The following ST14 variants were observed in gnomAD, a reference collection of about 807,000 sequenced individuals.
ST14 encodes ST14 transmembrane serine protease matriptase, also known as suppressor of tumorigenicity 14 protein.
Under a neutral mutation model 96.5 loss-of-function variants are expected in ST14, and 40 were observed. The ratio of observed to expected loss-of-function variants is 0.41; its 90% CI spans 0.32 to 0.54. The LOEUF is 0.54. Among genes scored for constraint, ST14 ranks in the 20% least tolerant of loss-of-function variants. The pLI, the probability that ST14 is intolerant of heterozygous loss-of-function variation, is 0.17. For missense variants in ST14, 1,066 were observed against 1,188.9 expected (o/e 0.90, Z 1.52); for synonymous variants, 506 against 492.1 (o/e 1.03, Z -0.37).
At position 130,198,490 on chromosome 11, in the gene ST14, G is replaced by A; in HGVS notation, c.1571-18G>A. The A allele has an allele frequency of 6.2e-7, 1 of 1,613,166 alleles. No individual in the cohort carries two copies. The highest frequency in any genetic ancestry group is 8.5e-7 in the Non-Finnish European group (1 of 1,179,232). On this transcript the variant is annotated intron_variant, in intron 13 of 18. Coordinates refer to ENST00000278742, the MANE Select transcript of ST14 (RefSeq NM_021978.4). ...ACTGACGGTGGCTCCTGGTGGCTGAGTCCTGGTGCCTCTCCAGGTTGTCCG... is the reference window on the plus strand; with the variant it reads ...ACTGACGGTGGCTCCTGGTGGCTGAATCCTGGTGCCTCTCCAGGTTGTCCG...
intron 9 of ST14, among the ~76,000 whole-genome samples, chr11:130,195,709 CG>C (rs1207061607): frequency 6.6e-6 from 1 of 151,694 alleles, no homozygotes; most frequent in Non-Finnish European, 1.5e-5. Context: ...AAAAATTAGC[CG>C]GGTGTGATGG....
chr11:130,195,515 C>G (rs367924289), intron 9 of ST14, among the ~76,000 whole-genome samples: 1 of 152,252 alleles, frequency 6.6e-6, no homozygotes, highest in East Asian at 1.9e-4. Flanking sequence ...CTGTCCGTGC[C>G]GCTCACGCCA....
chr11:130,189,123 A>G (rs1420906842), intron 4 of ST14, among the ~76,000 whole-genome samples, 184 bp downstream of exon 4: 1 of 152,166 alleles, frequency 6.6e-6, no homozygotes, highest in African/African-American at 2.4e-5. Context: ...CCCCCATGGC[A>G]AAGGTGCCTG....
At chr11:130,176,040 G>A (rs1953134447) in intron 1 of ST14, among the ~76,000 whole-genome samples, 1 of 152,172 alleles carries the variant, frequency 6.6e-6, no homozygotes, top group South Asian at 2.1e-4. Context: ...CTCGTGTAGG[G>A]ATGCAATGCG....
Position 130,197,865 on chromosome 11 carries a change from G to A in ST14, c.1379G>A (p.Arg460His), listed in dbSNP as rs151202492. The change falls in exon 12 of 19, where the codon CGC (arginine) becomes CAC (histidine). Residue 460 changes from arginine (R) to histidine (H), a missense_variant. Coordinates refer to ENST00000278742, the MANE Select transcript of ST14 (RefSeq NM_021978.4). ...SDPCPGQFTC[R>H]TGRCIRKELR... ...GCATGCCCGGGGCAGTTCACGTGCC[G>A]CACGGGGCGGTGTATCCGGAAGGAG... 4.0e-5 allele frequency: 63 copies of A among 1,588,384 alleles called. No individual in the cohort carries two copies. Among genetic ancestry groups the A allele is most frequent in the Admixed American group, 2.1e-4 (12 of 57,940 alleles).
chr11:130,199,148 AAT>A, intron 15 of ST14, 79 bp downstream of exon 15: 7 of 1,452,064 alleles, frequency 4.8e-6, no homozygotes, highest in Non-Finnish European at 6.6e-6. Flanking sequence ...CTGGAGGTGC[AAT>A]CCCGCCAGCA....
Position 130,208,398 on chromosome 11 carries a change from T to C in ST14, c.1995-12T>C, listed in dbSNP as rs759577050. On this transcript the variant is annotated splice_polypyrimidine_tract_variant and intron_variant, in intron 16 of 18. Coordinates refer to ENST00000278742, the MANE Select transcript of ST14 (RefSeq NM_021978.4). ...AGTGACCGCGCAGTCTCATAGCGGCTCTCCCTACCAGGTACTCAGACCCCA... is the reference window on the plus strand; with the variant it reads ...AGTGACCGCGCAGTCTCATAGCGGCCCTCCCTACCAGGTACTCAGACCCCA... 6.2e-7 allele frequency: 1 copy of C among 1,613,906 alleles called. No homozygotes were observed. Among genetic ancestry groups the C allele is most frequent in the Non-Finnish European group, 8.5e-7 (1 of 1,180,008 alleles).
At chr11:130,201,698 G>C (rs1417566569) in intron 16 of ST14, among the ~76,000 whole-genome samples, 1 of 152,262 alleles carries the variant, frequency 6.6e-6, no homozygotes, top group Non-Finnish European at 1.5e-5. Context: ...TCCTGCTTCA[G>C]CCTCCTGAGT....
intron 1 of ST14, among the ~76,000 whole-genome samples, chr11:130,173,044 G>A (rs11221989): frequency 5.1e-4 from 78 of 152,268 alleles, no homozygotes; most frequent in Non-Finnish European, 5.1e-4. Context: ...CGAGTGGTCA[G>A]GACTGAGAGC....
chr11:130,194,046 AG>A, intron 7 of ST14, 102 bp from the exon 8 acceptor site: 1 of 1,463,062 alleles, frequency 6.8e-7, no homozygotes, highest in South Asian at 1.1e-5. Context: ...GACCAGAGTT[AG>A]GGGTGGGGTC....
intron 1 of ST14, among the ~76,000 whole-genome samples, chr11:130,171,272 TTATC>T (rs1953090122): frequency 6.6e-6 from 1 of 152,218 alleles, no homozygotes; most frequent in Non-Finnish European, 1.5e-5. Context: ...CCTGCCCTCT[TTATC>T]TATTATTCTA....
At chr11:130,168,359 A>C (rs1010323810) in intron 1 of ST14, among the ~76,000 whole-genome samples, 1 of 152,144 alleles carries the variant, frequency 6.6e-6, no homozygotes, top group Non-Finnish European at 1.5e-5. Context: ...GGTTTAGAAA[A>C]CATTTTGTTT....
chr11:130,198,095 C>A, intron 12 of ST14, 150 bp downstream of exon 12: 1 of 885,322 alleles, frequency 1.1e-6, no homozygotes, highest in Non-Finnish European at 1.8e-6. Flanking sequence ...TGGCCCCACT[C>A]CCCACCCTGC....
chr11:130,190,141 C>T lies in ST14; in HGVS notation c.627C>T (p.Thr209=). The change falls in exon 6 of 19, where the codon ACC becomes ACT. Residue 209 remains threonine (T), a synonymous_variant. Coordinates refer to ENST00000278742, the MANE Select transcript of ST14 (RefSeq NM_021978.4). The part of the protein sequence containing the change: ...FPTDSKTVQR[T]QDNSCSFGLH... ...CGGACTCCAAAACAGTACAGAGGAC[C>T]CAGGACAGTAAGTATCGTGCCCGCC... 1 of 1,614,182 alleles carries T rather than the reference C, an allele frequency of 6.2e-7. No homozygotes were observed. Among genetic ancestry groups the T allele is most frequent in the South Asian group, 1.1e-5 (1 of 91,074 alleles).
At chr11:130,171,252 A>T (rs1303618959) in intron 1 of ST14, among the ~76,000 whole-genome samples, 1 of 152,236 alleles carries the variant, frequency 6.6e-6, no homozygotes, top group African/African-American at 2.4e-5. Flanking sequence ...ATCACCTTCC[A>T]AAGTTTCCTC....
At chr11:130,167,048 T>C (rs1953047731) in intron 1 of ST14, among the ~76,000 whole-genome samples, 1 of 152,038 alleles carries the variant, frequency 6.6e-6, no homozygotes, top group Non-Finnish European at 1.5e-5. Flanking sequence ...CCATCTCCAC[T>C]AAAAATCCAA....
rs1311529350 is a variant in ST14, at chr11:130,198,955, G to A, written c.1693G>A (p.Val565Ile). ...DEASCPKVNV[V>I]TCTKHTYRCL... is the part of the protein sequence containing the mutation. ...TCCTCCTCCTTGAACAGTGAACGTC[G>A]TCACTTGTACCAAACACACCTACCG... The change falls in exon 15 of 19, where the codon GTC becomes ATC. Residue 565 changes from valine (V) to isoleucine (I), a missense_variant. Val to Ile is a conservative substitution (Grantham distance 29, BLOSUM62 3). Transcript: ENST00000278742. 4 of 1,614,008 alleles carry A rather than the reference G, an allele frequency of 2.5e-6. No individual in the cohort carries two copies. Among genetic ancestry groups the A allele is most frequent in the Non-Finnish European group, 2.5e-6 (3 of 1,179,952 alleles).
chr11:130,191,423 C>T (rs1407321281), intron 7 of ST14, among the ~76,000 whole-genome samples: 1 of 152,126 alleles, frequency 6.6e-6, no homozygotes, highest in Non-Finnish European at 1.5e-5. Flanking sequence ...GGCATGGTGG[C>T]TCACGCCTGT....
In ST14 at chr11:130,198,412, G is replaced by T; in HGVS notation, c.1564G>T (p.Gly522Trp). Residue 522 changes from glycine (G) to tryptophan (W), a missense_variant, in exon 13 of 19, where the codon GGG becomes TGG. Transcript: ENST00000278742. Reference sequence around the variant, plus strand: ...CTGCGGAGACAACAGCGACGAGCAGGGGTGCAGTGAGTGCTGGGGAGGGGC... The same window carrying T: ...CTGCGGAGACAACAGCGACGAGCAGTGGTGCAGTGAGTGCTGGGGAGGGGC... ...NDCGDNSDEQ[G>W]CSCPAQTFRC... 2 of 1,614,134 alleles carry T rather than the reference G, an allele frequency of 1.2e-6. No individual in the cohort carries two copies. Among genetic ancestry groups the T allele is most frequent in the Non-Finnish European group, 8.5e-7 (1 of 1,180,012 alleles).
Sources: allele counts gnomAD v4.1 joint callset (sites outside exome capture counted in the v4.1 genomes callset), GRCh38; gene constraint gnomAD v4.1.1; transcripts MANE v1.5; gene names NCBI Gene and HGNC (gene_info 2026-07-23, HGNC 2026-07-21).